The following PTPRR variants were observed in gnomAD, a reference collection of about 807,000 sequenced individuals.
The protein encoded by PTPRR is receptor-type tyrosine-protein phosphatase R.
In PTPRR, 38 loss-of-function variants were observed where a neutral mutation model predicts 77.2. The ratio of observed to expected loss-of-function variants is 0.49; its 90% CI spans 0.38 to 0.65. The LOEUF (loss-of-function observed/expected upper bound fraction) is 0.65. Ranked by LOEUF, PTPRR falls within the 30% of genes least tolerant of loss-of-function variation. PTPRR has a pLI of 0.00. For synonymous variants in PTPRR, 299 were observed against 283.1 expected, an observed-to-expected ratio of 1.06 and a Z score of -0.57; for missense variants, 744 against 799.2, an observed-to-expected ratio of 0.93 and a Z score of 0.83.
At chr12:70,681,736 G>A (rs1239648693) in intron 10 of PTPRR, among the ~76,000 whole-genome samples, 1 of 152,020 alleles carries the variant, frequency 6.6e-6, no homozygotes, top group Non-Finnish European at 1.5e-5. Flanking sequence ...TTCTCTAGTC[G>A]GCTCTCTTGC....
At chr12:70,664,869 A>G (rs1426701488) in intron 10 of PTPRR, among the ~76,000 whole-genome samples, 1 of 152,218 alleles carries the variant, frequency 6.6e-6, no homozygotes, top group Non-Finnish European at 1.5e-5. Flanking sequence ...CCTCATTTAG[A>G]TGACAGAAAA....
intron 6 of PTPRR, among the ~76,000 whole-genome samples, chr12:70,723,147 A>C (rs548970554): frequency 6.6e-6 from 1 of 152,282 alleles, no homozygotes; most frequent in South Asian, 2.1e-4. Flanking sequence ...CATCTGACCA[A>C]CCAGGGTTTC....
At chr12:70,711,635 T>C (rs989909685) in intron 6 of PTPRR, among the ~76,000 whole-genome samples, 18 of 152,038 alleles carry the variant, frequency 1.2e-4, no homozygotes, top group African/African-American at 3.9e-4. Flanking sequence ...AAAGAGCCCT[T>C]TATTTTAATT....
chr12:70,773,760 AAT>A (rs1472355697), intron 2 of PTPRR, among the ~76,000 whole-genome samples: 3 of 152,228 alleles, frequency 2.0e-5, no homozygotes, highest in South Asian at 2.1e-4. Context: ...TCTAGAGAGT[AAT>A]ATGTTTTTAT....
chr12:70,642,034 AC>A (rs1169978465), intron 13 of PTPRR, among the ~76,000 whole-genome samples: 6 of 152,240 alleles, frequency 3.9e-5, no homozygotes, highest in African/African-American at 1.4e-4. Flanking sequence ...ATCAAATATG[AC>A]CTTCTTAGAG....
intron 2 of PTPRR, among the ~76,000 whole-genome samples, chr12:70,795,367 A>G (rs1891493532): frequency 6.6e-6 from 1 of 152,206 alleles, no homozygotes; most frequent in African/African-American, 2.4e-5. Context: ...TTCAAAACAG[A>G]ATAATAAGAA....
At chr12:70,918,107 C>T (rs1025116667) in intron 1 of PTPRR, among the ~76,000 whole-genome samples, 1 of 152,184 alleles carries the variant, frequency 6.6e-6, no homozygotes, top group Non-Finnish European at 1.5e-5. Flanking sequence ...TTTTCTTAAT[C>T]TCCAAATGTA....
rs774558807 is a variant in PTPRR at position 70,842,715 on chromosome 12, AT to A, written c.357+49963del. Among the ~76,000 whole-genome samples, 4 of 152,290 alleles carry A rather than the reference AT, an allele frequency of 2.6e-5. No homozygotes were observed. The East Asian group carries it at 7.7e-4, about 29-fold the overall frequency. ...GTCATTGGATTGAGAGCTTTCCAGGATTGCTCAGTGTGACCTCTTCATGTCA... is the reference window on the plus strand; with the variant it reads ...GTCATTGGATTGAGAGCTTTCCAGGATGCTCAGTGTGACCTCTTCATGTCA... On this transcript the variant is annotated intron_variant, in intron 2 of 13. Coordinates refer to ENST00000283228, the MANE Select transcript of PTPRR (RefSeq NM_002849.4).
In PTPRR at chr12:70,639,231, C is replaced by T; in HGVS notation, c.1927G>A (p.Ala643Thr). ...AGTCTGCTCTCATACAGGCACAGAG[C>T]ATGGTGCACAAATTCATACTGCTCA... ...TSEQYEFVHH[A>T]LCLYESRLSA... Residue 643 changes from alanine to threonine, a missense_variant, in exon 14 of 14, where the codon GCT (alanine) becomes ACT (threonine). By Grantham distance (58) the Ala-to-Thr change is moderately conservative. This residue lies in a region of PTPRR where 170 missense variants were observed against 209.8 expected (regional missense o/e 0.81). Coordinates refer to ENST00000283228, the MANE Select transcript of PTPRR (RefSeq NM_002849.4). 1 of 1,613,556 alleles carries T rather than the reference C, an allele frequency of 6.2e-7. No homozygotes were observed. Among genetic ancestry groups the T allele is most frequent in the South Asian group, 1.1e-5 (1 of 91,078 alleles).
chr12:70,763,966 T>C (rs898456259), intron 3 of PTPRR, among the ~76,000 whole-genome samples: 3 of 151,708 alleles, frequency 2.0e-5, no homozygotes, highest in Admixed American at 1.3e-4. Flanking sequence ...GATTGACATA[T>C]AGGCCTAGAC....
At chr12:70,760,702 G>A (rs1185487772) in intron 4 of PTPRR, among the ~76,000 whole-genome samples, 2 of 152,182 alleles carry the variant, frequency 1.3e-5, no homozygotes, top group Admixed American at 6.5e-5. Context: ...CCTTGAGGGA[G>A]TCACTTAATT....
intron 1 of PTPRR, among the ~76,000 whole-genome samples, chr12:70,917,558 C>T (rs991103968): frequency 7.2e-5 from 11 of 152,088 alleles, no homozygotes; most frequent in Non-Finnish European, 1.3e-4. Flanking sequence ...GCTTAGTAAT[C>T]CTTTAGTGTT....
At chr12:70,768,984 G>A (rs1248207019) in intron 2 of PTPRR, among the ~76,000 whole-genome samples, 3 of 150,244 alleles carry the variant, frequency 2.0e-5, no homozygotes, top group African/African-American at 7.5e-5. Flanking sequence ...AACTCTCAAT[G>A]AATTAGGTAT....
intron 6 of PTPRR, among the ~76,000 whole-genome samples, chr12:70,714,759 C>A (rs1004417298): frequency 6.6e-5 from 10 of 152,012 alleles, no homozygotes; most frequent in Non-Finnish European, 1.3e-4. Flanking sequence ...CTGAGGCGGG[C>A]AGATTGCATG....
chr12:70,762,330 A>G (rs1245430153), intron 3 of PTPRR, among the ~76,000 whole-genome samples: 4 of 152,136 alleles, frequency 2.6e-5, no homozygotes, highest in Admixed American at 2.0e-4. Flanking sequence ...AGACAAAACC[A>G]TGGCGATTGA....
intron 2 of PTPRR, among the ~76,000 whole-genome samples, chr12:70,866,818 A>C (rs986190814): frequency 4.6e-5 from 7 of 152,124 alleles, no homozygotes; most frequent in East Asian, 3.9e-4. Context: ...GCAGCACATC[A>C]AAAAGCTTAT....
At chr12:70,814,446 A>C (rs1480484901) in intron 2 of PTPRR, among the ~76,000 whole-genome samples, 1 of 152,202 alleles carries the variant, frequency 6.6e-6, no homozygotes, top group African/African-American at 2.4e-5. Flanking sequence ...GAAGACAAGC[A>C]TCTAAAGGGA....
At chr12:70,811,070 C>T (rs962175988) in intron 2 of PTPRR, among the ~76,000 whole-genome samples, 4 of 151,906 alleles carry the variant, frequency 2.6e-5, no homozygotes, top group African/African-American at 9.7e-5. Context: ...TGTAGATTCC[C>T]TATAATAAAA....
chr12:70,744,906 C>T (rs1890163823), intron 6 of PTPRR, among the ~76,000 whole-genome samples: 1 of 152,122 alleles, frequency 6.6e-6, no homozygotes, highest in Non-Finnish European at 1.5e-5. Context: ...GAAAGCTTTA[C>T]TTAATATTTT....
Sources: allele counts gnomAD v4.1 joint callset (sites outside exome capture counted in the v4.1 genomes callset), GRCh38; gene constraint gnomAD v4.1.1; regional missense constraint gnomAD v4.1.1; transcripts MANE v1.5; gene names NCBI Gene and HGNC (gene_info 2026-07-23, HGNC 2026-07-21).